The following LRPPRC variants were observed in gnomAD, a reference collection of about 807,000 sequenced individuals.
LRPPRC encodes leucine-rich PPR motif-containing protein, mitochondrial.
A neutral mutation model predicts 180.3 loss-of-function variants in LRPPRC; 120 were observed. The observed-to-expected ratio is 0.67, with a 90% CI of 0.57 to 0.77. The LOEUF (loss-of-function observed/expected upper bound fraction) is 0.77. LRPPRC is among the 30% of genes least tolerant of loss of function. LRPPRC has a pLI of 0.00. For missense variants in LRPPRC, 2,012 were observed against 1,657.2 expected (o/e 1.21, Z -3.72); for synonymous variants, 723 against 600.0 (o/e 1.21, Z -3.00).
At chr2:43,913,470 A>G (rs1407975511) in intron 29 of LRPPRC, among the ~76,000 whole-genome samples, 2 of 152,228 alleles carry the variant, frequency 1.3e-5, no homozygotes, top group East Asian at 1.9e-4. Flanking sequence ...GTTCAGAAGA[A>G]CATTTTAAGC....
At chr2:43,948,842 A>C (rs964127627) in intron 16 of LRPPRC, among the ~76,000 whole-genome samples, 1 of 152,138 alleles carries the variant, frequency 6.6e-6, no homozygotes, top group Non-Finnish European at 1.5e-5. Flanking sequence ...AATCACACGT[A>C]ATAAGAATAA....
At chr2:43,932,252 T>A (rs527997300) in intron 25 of LRPPRC, among the ~76,000 whole-genome samples, 1 of 151,782 alleles carries the variant, frequency 6.6e-6, no homozygotes, top group East Asian at 1.9e-4. Context: ...TATTTACACA[T>A]TGAACCTTGC....
At chr2:43,983,304 A>T (rs1462785863) in intron 1 of LRPPRC, among the ~76,000 whole-genome samples, 1 of 150,798 alleles carries the variant, frequency 6.6e-6, no homozygotes, top group African/African-American at 2.4e-5. Flanking sequence ...ACCTTTTTTT[A>T]AAATAAACAC....
At chr2:43,889,501 T>C (rs112530214) in intron 37 of LRPPRC, among the ~76,000 whole-genome samples, 54 of 152,200 alleles carry the variant, frequency 3.5e-4, no homozygotes, top group African/African-American at 1.0e-3. Context: ...TCCATGCCTA[T>C]AGCTGAAGGT....
At position 43,887,164 on chromosome 2, in the gene LRPPRC, A is replaced by AAAAAAAAAAAAAAAAAAAAT. The variant is rs1670298826; in HGVS notation, c.*1435_*1436insATTTTTTTTTTTTTTTTTTT. The AAAAAAAAAAAAAAAAAAAAT allele has an allele frequency of 6.7e-6, 1 of 148,740 alleles. No homozygotes were observed. The highest frequency in any genetic ancestry group is 1.5e-5 in the Non-Finnish European group (1 of 67,402). The allele number at this position is 148,740 out of a possible 1,614,324, so 9.2% of individuals were successfully genotyped here. A position where few individuals can be genotyped will look rare whatever the true frequency, so the allele number is the denominator to read the frequency against. ...ATCTCAAAAAAAAAAAAAAAAAAAA[A>AAAAAAAAAAAAAAAAAAAAT]GATGCTTTTGGCAAACCTGTAACAT... On this transcript the variant is annotated 3_prime_UTR_variant, in exon 38 of 38. Coordinates refer to ENST00000260665, the MANE Select transcript of LRPPRC (RefSeq NM_133259.4).
chr2:43,958,985 A>G, intron 13 of LRPPRC: 1 of 479,180 alleles, frequency 2.1e-6, no homozygotes, highest in Non-Finnish European at 3.7e-6. Context: ...ATTCTACAGA[A>G]TATTGTCAAG....
At chr2:43,972,361 T>G (rs1228654048) in intron 11 of LRPPRC, among the ~76,000 whole-genome samples, 1 of 152,218 alleles carries the variant, frequency 6.6e-6, no homozygotes, top group African/African-American at 2.4e-5. Context: ...ATTACCTAAC[T>G]CTTTTATGTT....
chr2:43,901,155 C>T (rs537289377), intron 32 of LRPPRC, among the ~76,000 whole-genome samples, 165 bp downstream of exon 32: 2 of 152,120 alleles, frequency 1.3e-5, no homozygotes, highest in Non-Finnish European at 2.9e-5. Flanking sequence ...AAAGAAAAAA[C>T]ATATTTTTCA....
intron 14 of LRPPRC, among the ~76,000 whole-genome samples, chr2:43,953,169 TC>T (rs1672971272): frequency 6.6e-6 from 1 of 152,172 alleles, no homozygotes. Flanking sequence ...CCCTGATTCA[TC>T]CCTTCCCCAA....
intron 1 of LRPPRC, among the ~76,000 whole-genome samples, chr2:43,990,029 A>G (rs1674701098): frequency 6.6e-6 from 1 of 152,066 alleles, no homozygotes; most frequent in Admixed American, 6.5e-5. Flanking sequence ...CCTGGCCAAC[A>G]TGGCAATGGC....
chr2:43,931,560 A>G (rs1200114925), intron 25 of LRPPRC, among the ~76,000 whole-genome samples: 1 of 152,194 alleles, frequency 6.6e-6, no homozygotes, highest in East Asian at 1.9e-4. Flanking sequence ...CTCTACTCTA[A>G]GTGCAGACGC....
chr2:43,982,509 A>C (rs1227952824), intron 1 of LRPPRC, 75 bp from the exon 2 acceptor site: 1 of 1,129,416 alleles, frequency 8.9e-7, no homozygotes, highest in East Asian at 2.5e-5. Flanking sequence ...ACTTAAACAA[A>C]TTTTAAAATT....
chr2:43,954,454 T>C (rs914746636), intron 14 of LRPPRC, among the ~76,000 whole-genome samples: 1 of 152,252 alleles, frequency 6.6e-6, no homozygotes, highest in Admixed American at 6.5e-5. Context: ...TAATGTCTAA[T>C]ACTTGTAAGT....
intron 27 of LRPPRC, among the ~76,000 whole-genome samples, chr2:43,921,839 A>C (rs1427617599): frequency 6.6e-6 from 1 of 152,236 alleles, no homozygotes. Context: ...TAATATATGA[A>C]TCATTACTGA....
intron 22 of LRPPRC, 56 bp from the exon 23 acceptor site, chr2:43,943,950 T>A: frequency 7.8e-7 from 1 of 1,281,650 alleles, no homozygotes; most frequent in Non-Finnish European, 1.1e-6. Flanking sequence ...GAAAACAAAC[T>A]GCTATTAAAA....
At chr2:43,919,333 A>G (rs192183775) in intron 27 of LRPPRC, among the ~76,000 whole-genome samples, 18 of 152,280 alleles carry the variant, frequency 1.2e-4, no homozygotes, top group Middle Eastern at 6.8e-3. Context: ...GCCGTATAGT[A>G]CACAGCTGTG....
chr2:43,915,234 A>C (rs4404326), intron 29 of LRPPRC, among the ~76,000 whole-genome samples: 1 of 45,314 alleles, frequency 2.2e-5, no homozygotes, highest in Non-Finnish European at 4.1e-5. Context: ...TCTCTCTCTC[A>C]CACACACACA....
intron 25 of LRPPRC, among the ~76,000 whole-genome samples, chr2:43,929,061 T>C (rs1346496427): frequency 1.3e-5 from 2 of 152,146 alleles, no homozygotes; most frequent in Non-Finnish European, 2.9e-5. Context: ...GAAAATACAT[T>C]TACAGTACTG....
chr2:43,912,370 T>A, intron 30 of LRPPRC, 62 bp downstream of exon 30: 6 of 1,452,094 alleles, frequency 4.1e-6, no homozygotes, highest in Non-Finnish European at 5.8e-6. Flanking sequence ...TTATAATTAT[T>A]GGCTAATGGC....
Sources: allele counts gnomAD v4.1 joint callset (sites outside exome capture counted in the v4.1 genomes callset), GRCh38; gene constraint gnomAD v4.1.1; transcripts MANE v1.5; gene names NCBI Gene and HGNC (gene_info 2026-07-23, HGNC 2026-07-21).